The following FRAS1 variants were observed in gnomAD, a reference collection of about 807,000 sequenced individuals.
FRAS1 encodes the protein extracellular matrix organizing protein FRAS1.
In FRAS1, 290 loss-of-function variants were observed where a neutral mutation model predicts 435.2. The ratio of observed to expected loss-of-function variants is 0.67; its 90% CI spans 0.61 to 0.73. The LOEUF (loss-of-function observed/expected upper bound fraction) is 0.73. FRAS1 is among the 30% of genes least tolerant of loss of function. FRAS1 has a pLI of 0.00. For missense variants in FRAS1, 4,860 were observed against 5,001.5 expected, an observed-to-expected ratio of 0.97 and a Z score of 0.85; for synonymous variants, 1,800 against 1,851.0, an observed-to-expected ratio of 0.97 and a Z score of 0.71.
In FRAS1 at chr4:78,282,896, C is replaced by G. The variant is rs1353392763; in HGVS notation, c.1184C>G (p.Ser395Cys). The G allele has an allele frequency of 1.2e-6, 2 of 1,612,446 alleles. No homozygotes were observed. The highest frequency in any genetic ancestry group is 1.7e-6 in the Non-Finnish European group (2 of 1,179,468). ...GCTCAGGTAACTTGCTACGAGCCCT[C>G]TTGCCCACCATGTCCAGTGGGCACA... ...RGAQVTCYEPSCPPCPVGTLA... is the reference protein window; with the variant it reads ...RGAQVTCYEPCCPPCPVGTLA... The change falls in exon 12 of 74, where the codon TCT becomes TGT. Residue 395 changes from serine to cysteine, a missense_variant. Physicochemically the swap from Ser to Cys is moderately radical, Grantham distance 112. Transcript: ENST00000512123.
intron 50 of FRAS1, among the ~76,000 whole-genome samples, chr4:78,469,056 C>G (rs1004622288): frequency 6.6e-6 from 1 of 152,170 alleles, no homozygotes; most frequent in Non-Finnish European, 1.5e-5. Context: ...AGTCATCACT[C>G]TTGTTTTTTC....
intron 2 of FRAS1, among the ~76,000 whole-genome samples, chr4:78,207,244 TC>T (rs1340554919): frequency 6.6e-6 from 1 of 152,196 alleles, no homozygotes; most frequent in Non-Finnish European, 1.5e-5. Flanking sequence ...TTTGTTGTTT[TC>T]TTTTGGAGAC....
Position 78,542,451 on chromosome 4 carries a change from A to G in FRAS1, c.*1327A>G, listed in dbSNP as rs1722087566. On this transcript the variant is annotated 3_prime_UTR_variant, in exon 74 of 74. Coordinates refer to ENST00000512123, the MANE Select transcript of FRAS1 (RefSeq NM_025074.7). Reference sequence around the variant, plus strand: ...TGCATGCCATGTTGTTTTGAATTGGAGGCACAATTTCATTATTCGAGAGTA... The same window carrying G: ...TGCATGCCATGTTGTTTTGAATTGGGGGCACAATTTCATTATTCGAGAGTA... The G allele has an allele frequency of 6.6e-6, 1 of 152,580 alleles. No individual in the cohort carries two copies. The highest frequency in any genetic ancestry group is 2.4e-5 in the African/African-American group (1 of 41,440). 9.5% of individuals were successfully genotyped at this position (152,580 alleles called of 1,614,324 possible).
chr4:78,275,162 G>C (rs190918016), intron 9 of FRAS1, among the ~76,000 whole-genome samples: 4 of 152,006 alleles, frequency 2.6e-5, no homozygotes, highest in South Asian at 2.1e-4. Context: ...TTTTCCATTT[G>C]CTTGGTAGAT....
intron 6 of FRAS1, among the ~76,000 whole-genome samples, chr4:78,258,483 C>T (rs1483753830): frequency 4.0e-5 from 6 of 151,666 alleles, no homozygotes; most frequent in African/African-American, 1.5e-4. Flanking sequence ...ATAATCTCTT[C>T]CCATCCTGAC....
Position 78,466,121 on chromosome 4 carries a change from T to C in FRAS1, c.7030-87T>C. The C allele has an allele frequency of 2.9e-6, 3 of 1,036,740 alleles. No homozygotes were observed. In the Admixed American group the frequency reaches 5.6e-5, roughly 19 times the overall value. The allele number at this position is 1,036,740 out of a possible 1,614,324, so 64.2% of individuals were successfully genotyped here. A position where few individuals can be genotyped will look rare whatever the true frequency, so the allele number is the denominator to read the frequency against. The stretch of plus-strand genomic sequence containing the variant: ...CTTTATCAATGTCTTTGGGTTCTAC[T>C]ACCCTTGATCAGCAATTGGGCATCA... On this transcript the variant is annotated intron_variant, in intron 49 of 73. Transcript: ENST00000512123.
At chr4:78,504,547 C>CT (rs1178030690) in intron 61 of FRAS1, among the ~76,000 whole-genome samples, 1 of 152,150 alleles carries the variant, frequency 6.6e-6, no homozygotes, top group African/African-American at 2.4e-5. Flanking sequence ...GCAACCCCTG[C>CT]TTTTTTTCTT....
In FRAS1 at chr4:78,464,435, C is replaced by T. The variant is rs754631871; in HGVS notation, c.6889-8C>T. The T allele has an allele frequency of 1.9e-6, 3 of 1,613,912 alleles. No homozygotes were observed. The highest frequency in any genetic ancestry group is 2.5e-6 in the Non-Finnish European group (3 of 1,179,828). On this transcript the variant is annotated splice_polypyrimidine_tract_variant and splice_region_variant and intron_variant, in intron 48 of 73. Transcript: ENST00000512123. Reference sequence around the variant, plus strand: ...AGGTGTCCCACCTGCACTTTCCTGCCATTCTAGGTGACTCAGACTTTCCAT... The same window carrying T: ...AGGTGTCCCACCTGCACTTTCCTGCTATTCTAGGTGACTCAGACTTTCCAT...
intron 61 of FRAS1, among the ~76,000 whole-genome samples, chr4:78,500,491 G>C (rs964757853): frequency 2.0e-5 from 3 of 152,204 alleles, no homozygotes; most frequent in Non-Finnish European, 4.4e-5. Context: ...GTATTAATCT[G>C]ATGGGGAGAA....
At chr4:78,167,589 C>A (rs2110032505) in intron 2 of FRAS1, among the ~76,000 whole-genome samples, 1 of 152,066 alleles carries the variant, frequency 6.6e-6, no homozygotes, top group East Asian at 1.9e-4. Flanking sequence ...AGCTCAGTTT[C>A]AAGTCCTCAG....
rs559818680 is a variant in FRAS1 at position 78,416,532 on chromosome 4, G to A, written c.4426-2417G>A. Among the ~76,000 whole-genome samples the A allele has an allele frequency of 2.7e-4, 41 of 152,076 alleles. No individual in the cohort carries two copies. The South Asian group carries it at 5.8e-3, about 22-fold the overall frequency. ...GGCGGGTGAAACACCCAGTGTCTGAGGATATAGAGGTACCATTCCTCAAGA... is the reference window on the plus strand; with the variant it reads ...GGCGGGTGAAACACCCAGTGTCTGAAGATATAGAGGTACCATTCCTCAAGA... On this transcript the variant is annotated intron_variant, in intron 32 of 73. Coordinates refer to ENST00000512123, the MANE Select transcript of FRAS1 (RefSeq NM_025074.7).
At chr4:78,317,315 G>C in intron 16 of FRAS1, 53 bp from the exon 17 acceptor site, 2 of 1,605,418 alleles carry the variant, frequency 1.2e-6, no homozygotes, top group Non-Finnish European at 1.7e-6. Flanking sequence ...CAGGAAGTGG[G>C]CACTTTATTC....
chr4:78,371,291 C>T (rs1731496294), intron 23 of FRAS1, among the ~76,000 whole-genome samples: 1 of 152,088 alleles, frequency 6.6e-6, no homozygotes, highest in Non-Finnish European at 1.5e-5. Flanking sequence ...AGCACGTGTA[C>T]TGTCTTGCAC....
At chr4:78,355,482 G>C (rs1020202012) in intron 20 of FRAS1, among the ~76,000 whole-genome samples, 1 of 152,136 alleles carries the variant, frequency 6.6e-6, no homozygotes, top group African/African-American at 2.4e-5. Flanking sequence ...TGAGAGACAG[G>C]CTCCAGAATA....
intron 33 of FRAS1, 70 bp downstream of exon 33, chr4:78,419,133 T>C (rs1054750179): frequency 6.0e-6 from 5 of 837,808 alleles, no homozygotes; most frequent in Admixed American, 5.7e-5. Flanking sequence ...TCTTAATATC[T>C]CTGGAGTTTT....
intron 9 of FRAS1, among the ~76,000 whole-genome samples, chr4:78,273,887 T>C (rs1012327224): frequency 6.6e-6 from 1 of 152,214 alleles, no homozygotes; most frequent in African/African-American, 2.4e-5. Flanking sequence ...TCAGAAGGAA[T>C]GGTACCAGCT....
chr4:78,316,475 G>A (rs1729259122), intron 16 of FRAS1, among the ~76,000 whole-genome samples: 1 of 151,976 alleles, frequency 6.6e-6, no homozygotes, highest in Non-Finnish European at 1.5e-5. Context: ...TTACTCACCT[G>A]GTGTTCACCA....
Position 78,511,184 on chromosome 4 carries a change from A to G in FRAS1, c.9781-90A>G. 2.9e-6 allele frequency: 3 copies of G among 1,041,556 alleles called. No homozygotes were observed. In the East Asian group the frequency reaches 7.3e-5, roughly 25 times the overall value. The allele number at this position is 1,041,556 out of a possible 1,614,324, so 64.5% of individuals were successfully genotyped here. A position where few individuals can be genotyped will look rare whatever the true frequency, so the allele number is the denominator to read the frequency against. On this transcript the variant is annotated intron_variant, in intron 63 of 73. Coordinates refer to ENST00000512123, the MANE Select transcript of FRAS1 (RefSeq NM_025074.7). ...GAAAAATCAATGGATGGGTGGATGG[A>G]TGATCTTTACAGATTAACTTGAACC... is the stretch of plus-strand genomic sequence containing the variant.
chr4:78,518,781 T>G (rs6844368), intron 66 of FRAS1, among the ~76,000 whole-genome samples: 71,243 of 151,894 alleles, frequency 0.47, 16,858 homozygotes, highest in South Asian at 0.58. Context: ...GAGCTTCCTA[T>G]ATATGATTTC....
Sources: allele counts gnomAD v4.1 joint callset (sites outside exome capture counted in the v4.1 genomes callset), GRCh38; gene constraint gnomAD v4.1.1; transcripts MANE v1.5; gene names NCBI Gene and HGNC (gene_info 2026-07-23, HGNC 2026-07-21).